The following CFAP47 variants were observed in gnomAD, a reference collection of about 807,000 sequenced individuals.
CFAP47 encodes cilia and flagella associated protein 47.
CFAP47 carries 29 observed loss-of-function variants against 148.1 expected under a neutral mutation model. That is an observed-to-expected ratio of 0.20 (90% CI 0.15 to 0.27). The LOEUF (loss-of-function observed/expected upper bound fraction) is 0.27, where lower values mean the gene tolerates loss of function less well. CFAP47 is among the 10% of genes least tolerant of loss of function. CFAP47 has a pLI of 1.00. For synonymous variants in CFAP47, 664 were observed against 577.3 expected (o/e 1.15, Z -2.15); for missense variants, 1,872 against 1,697.5 (o/e 1.10, Z -1.81).
At chrX:36,077,268 T>A in intron 29 of CFAP47, among the ~76,000 whole-genome samples, 1 of 96,253 alleles carries the variant, frequency 1.0e-5, no homozygotes, top group South Asian at 5.7e-4. Context: ...TGGTTACATA[T>A]GAATTTTAGA....
At chrX:36,161,862 T>C (rs1222028630) in intron 39 of CFAP47, among the ~76,000 whole-genome samples, 1 of 112,411 alleles carries the variant, frequency 8.9e-6, no homozygotes, top group Admixed American at 9.5e-5. Flanking sequence ...GATTGGTAAA[T>C]ACCTGGTTCC....
chrX:36,160,829 CAT>C (rs1238257646), intron 39 of CFAP47, 60 bp downstream of exon 39: 2 of 242,279 alleles, frequency 8.3e-6, no homozygotes, highest in Admixed American at 7.2e-5. Flanking sequence ...TCTGAAGAGA[CAT>C]ATGTGATTTT....
intron 3 of CFAP47, among the ~76,000 whole-genome samples, chrX:35,945,343 T>G (rs920541741): frequency 9.0e-6 from 1 of 111,489 alleles, no homozygotes; most frequent in East Asian, 2.8e-4. Context: ...TGTGGTATAT[T>G]AAATGTGAAT....
At chrX:36,065,445 C>T (rs1448878574) in intron 26 of CFAP47, among the ~76,000 whole-genome samples, 198 bp from the exon 27 acceptor site, 1 of 111,764 alleles carries the variant, frequency 8.9e-6, no homozygotes, top group Non-Finnish European at 1.9e-5. Context: ...GAAATTTATA[C>T]TATCTATTAA....
intron 39 of CFAP47, among the ~76,000 whole-genome samples, chrX:36,170,095 C>A (rs983679705): frequency 1.4e-4 from 16 of 111,360 alleles, no homozygotes; most frequent in Admixed American, 9.5e-5. Context: ...ATGGGAGTTA[C>A]AACACACAAG....
intron 63 of CFAP47, among the ~76,000 whole-genome samples, chrX:36,383,559 T>A (rs1236094888): frequency 8.9e-6 from 1 of 112,103 alleles, no homozygotes; most frequent in East Asian, 2.8e-4. Context: ...AGTAAAATTT[T>A]TTTTTACCCA....
chrX:36,215,496 T>C (rs782154099), intron 45 of CFAP47, among the ~76,000 whole-genome samples: 1 of 109,442 alleles, frequency 9.1e-6, no homozygotes, highest in Non-Finnish European at 1.9e-5. Flanking sequence ...ATGCAAGATA[T>C]AGGTCACCCC....
intron 62 of CFAP47, among the ~76,000 whole-genome samples, chrX:36,368,588 T>G (rs1333732595): frequency 9.0e-6 from 1 of 111,363 alleles, no homozygotes; most frequent in Non-Finnish European, 1.9e-5. Flanking sequence ...TCTCTTACAG[T>G]TTGAAAATAT....
Position 36,233,260 on chromosome X carries a change from G to T in CFAP47, c.7015-2674G>T, listed in dbSNP as rs181909384. On this transcript the variant is annotated intron_variant, in intron 46 of 63. Transcript: ENST00000378653. ...ATTGTGTGGGAGTCTAATTCTCTTT[G>T]TAGGTCACTCAGGACTGGCTTTATG... Among the ~76,000 whole-genome samples the T allele has an allele frequency of 4.7e-3, 524 of 111,447 alleles. 2 individuals are homozygous for T. Among genetic ancestry groups the T allele is most frequent in the African/African-American group, 0.017 (509 of 30,607 alleles).
intron 35 of CFAP47, among the ~76,000 whole-genome samples, chrX:36,141,858 C>A (rs942232547): frequency 1.8e-5 from 2 of 111,008 alleles, no homozygotes; most frequent in Admixed American, 1.9e-4. Context: ...TCTCACATAA[C>A]ACCTTCATAC....
chrX:36,185,896 A>C (rs1939801648), intron 40 of CFAP47, among the ~76,000 whole-genome samples: 1 of 111,698 alleles, frequency 9.0e-6, no homozygotes, highest in African/African-American at 3.3e-5. Context: ...TTGTGATCTC[A>C]GTAAAGCTTA....
intron 4 of CFAP47, among the ~76,000 whole-genome samples, chrX:35,948,815 G>A (rs1212849544): frequency 9.2e-6 from 1 of 108,957 alleles, no homozygotes; most frequent in Non-Finnish European, 1.9e-5. Context: ...GTGTGTGTGT[G>A]TGTAGGGGTG....
intron 51 of CFAP47, among the ~76,000 whole-genome samples, chrX:36,290,478 A>T (rs782205932): frequency 8.9e-6 from 1 of 112,094 alleles, no homozygotes; most frequent in Non-Finnish European, 1.9e-5. Flanking sequence ...GTTTGTCTTT[A>T]CTTTCTGGTA....
chrX:36,304,500 ATCATGCTCATGATTACT>A (rs1377957442), intron 54 of CFAP47, among the ~76,000 whole-genome samples: 1 of 111,809 alleles, frequency 8.9e-6, no homozygotes, highest in Non-Finnish European at 1.9e-5. Flanking sequence ...ATATGCTAGA[ATCATGCTCATGATTACT>A]TCATTCTAAT....
At chrX:35,942,496 T>G in intron 3 of CFAP47, among the ~76,000 whole-genome samples, 1 of 111,303 alleles carries the variant, frequency 9.0e-6, no homozygotes, top group Non-Finnish European at 1.9e-5. Context: ...CTGACTCGAG[T>G]GTTAAGGAGG....
At chrX:36,128,576 C>T (rs1169300223) in intron 33 of CFAP47, among the ~76,000 whole-genome samples, 1 of 110,553 alleles carries the variant, frequency 9.0e-6, no homozygotes, top group Non-Finnish European at 1.9e-5. Flanking sequence ...CATAAATGCT[C>T]TTGTATTATA....
intron 42 of CFAP47, among the ~76,000 whole-genome samples, chrX:36,196,150 C>A (rs186180885): frequency 9.0e-6 from 1 of 111,209 alleles, no homozygotes; most frequent in East Asian, 2.8e-4. Flanking sequence ...GCTCCTAGCT[C>A]ACTGCCTTAA....
chrX:36,146,834 G>A (rs1394585338), intron 36 of CFAP47, among the ~76,000 whole-genome samples: 1 of 102,216 alleles, frequency 9.8e-6, no homozygotes, highest in Non-Finnish European at 2.0e-5. Context: ...AGGCTGGAGT[G>A]CAGTGGCACG....
At chrX:36,051,577 C>T (rs891406534) in intron 26 of CFAP47, among the ~76,000 whole-genome samples, 1 of 111,860 alleles carries the variant, frequency 8.9e-6, no homozygotes, top group Non-Finnish European at 1.9e-5. Flanking sequence ...ACCTGTCCCC[C>T]ATTATATCTA....
Sources: gnomAD v4.1 joint callset for allele counts (sites outside exome capture counted in the v4.1 genomes callset) on GRCh38, gnomAD v4.1.1 for gene constraint, MANE v1.5 for transcripts, NCBI Gene and HGNC (gene_info 2026-07-23, HGNC 2026-07-21) for gene names.